The following CPQ variants were observed in gnomAD, a reference collection of about 807,000 sequenced individuals.
CPQ encodes the protein Ser-Met dipeptidase.
CPQ carries 37 observed loss-of-function variants against 45.7 expected under a neutral mutation model. That is an observed-to-expected ratio of 0.81 (90% CI 0.62 to 1.07). The LOEUF is 1.07. CPQ is among the 50% of genes least tolerant of loss of function. The probability of loss-of-function intolerance (pLI) is 0.00; values close to 1 mark genes in which losing one functional copy is unlikely to be tolerated. For missense variants in CPQ, 537 were observed against 572.9 expected (o/e 0.94, Z 0.64); for synonymous variants, 186 against 205.8 (o/e 0.90, Z 0.82).
chr8:97,141,674 C>T (rs891838735), intron 7 of CPQ, among the ~76,000 whole-genome samples: 1 of 152,124 alleles, frequency 6.6e-6, no homozygotes, highest in Non-Finnish European at 1.5e-5. Flanking sequence ...ACATTCAAAG[C>T]CTTGATAGTG....
chr8:96,811,187 C>G (rs1484325952), intron 2 of CPQ, among the ~76,000 whole-genome samples: 1 of 152,096 alleles, frequency 6.6e-6, no homozygotes, highest in East Asian at 1.9e-4. Context: ...TTCCACAAGT[C>G]TTAAAATCTG....
At chr8:96,826,480 T>C (rs1269905359) in intron 2 of CPQ, among the ~76,000 whole-genome samples, 1 of 152,010 alleles carries the variant, frequency 6.6e-6, no homozygotes, top group Non-Finnish European at 1.5e-5. Flanking sequence ...TGTATATATA[T>C]ATACATATAT....
At chr8:96,957,015 C>A (rs550194380) in intron 4 of CPQ, among the ~76,000 whole-genome samples, 3 of 152,328 alleles carry the variant, frequency 2.0e-5, no homozygotes, top group Admixed American at 2.0e-4. Flanking sequence ...TTTTTAAGAT[C>A]ATTGAAAATC....
intron 4 of CPQ, among the ~76,000 whole-genome samples, chr8:96,888,346 A>G (rs1812329747): frequency 6.6e-6 from 1 of 152,146 alleles, no homozygotes; most frequent in African/African-American, 2.4e-5. Flanking sequence ...TCCTTCATCT[A>G]TAGAAGGAGG....
intron 5 of CPQ, among the ~76,000 whole-genome samples, chr8:97,029,123 G>GCCTCCCTCCAGCCCTGTGAATGAGAAT: frequency 1.3e-5 from 2 of 152,094 alleles, no homozygotes; most frequent in African/African-American, 4.8e-5. Context: ...GGTTCTGCTG[G>GCCTCCCTCCAGCCCTGTGAATGAGAAT]GCAGGATATC....
At chr8:96,760,441 C>T (rs2954649) in intron 1 of CPQ, among the ~76,000 whole-genome samples, 4,123 of 152,146 alleles carry the variant, frequency 0.027, 184 homozygotes, top group African/African-American at 0.093. Context: ...TCTGTCAGAC[C>T]TTATAGCCCA....
chr8:96,944,926 T>C (rs1813170036), intron 4 of CPQ, among the ~76,000 whole-genome samples: 1 of 152,106 alleles, frequency 6.6e-6, no homozygotes, highest in African/African-American at 2.4e-5. Flanking sequence ...TAAAAAAAAC[T>C]CCCTTTCACT....
intron 1 of CPQ, among the ~76,000 whole-genome samples, chr8:96,754,034 T>C (rs1257168581): frequency 1.3e-5 from 2 of 152,082 alleles, no homozygotes; most frequent in East Asian, 3.8e-4. Flanking sequence ...ATTTCTAATA[T>C]TAAACAATCC....
At chr8:96,704,879 A>G (rs1371966588) in intron 1 of CPQ, among the ~76,000 whole-genome samples, 1 of 152,174 alleles carries the variant, frequency 6.6e-6, no homozygotes, top group Admixed American at 6.6e-5. Context: ...ATTTGGAGGT[A>G]TTAAGTAGAC....
At chr8:97,070,706 T>C (rs1363014726) in intron 7 of CPQ, among the ~76,000 whole-genome samples, 4 of 152,188 alleles carry the variant, frequency 2.6e-5, no homozygotes, top group Non-Finnish European at 5.9e-5. Context: ...TTCTCACACA[T>C]AAAATGGTGA....
chr8:97,005,061 T>C (rs1809357188), intron 5 of CPQ, among the ~76,000 whole-genome samples: 1 of 152,036 alleles, frequency 6.6e-6, no homozygotes, highest in African/African-American at 2.4e-5. Flanking sequence ...TTGTGAATTT[T>C]TTCTGTAGGA....
chr8:96,794,746 A>C (rs1810903322), intron 2 of CPQ, among the ~76,000 whole-genome samples: 2 of 152,112 alleles, frequency 1.3e-5, no homozygotes, highest in Non-Finnish European at 2.9e-5. Context: ...GCTGCTTAGA[A>C]ATTTCTTCTG....
chr8:96,875,419 G>A (rs1812132210), intron 3 of CPQ, among the ~76,000 whole-genome samples: 2 of 151,856 alleles, frequency 1.3e-5, no homozygotes, highest in African/African-American at 2.4e-5. Flanking sequence ...ATGAAGTTTT[G>A]TAGTTTTAGC....
chr8:96,730,981 G>A (rs906725541), intron 1 of CPQ, among the ~76,000 whole-genome samples: 1 of 150,274 alleles, frequency 6.7e-6, no homozygotes, highest in Admixed American at 6.7e-5. Context: ...TTAAAGTGGA[G>A]GTGCTTTACA....
intron 7 of CPQ, among the ~76,000 whole-genome samples, chr8:97,114,760 C>A (rs12550456): frequency 6.6e-6 from 1 of 152,186 alleles, no homozygotes; most frequent in South Asian, 2.1e-4. Flanking sequence ...CTCCTTCATC[C>A]TTCAGTGAAA....
chr8:96,864,967 T>G (rs1270755294), intron 3 of CPQ, among the ~76,000 whole-genome samples: 1 of 152,062 alleles, frequency 6.6e-6, no homozygotes, highest in African/African-American at 2.4e-5. Flanking sequence ...TCTCCACTGT[T>G]AAACTAAGTA....
intron 7 of CPQ, among the ~76,000 whole-genome samples, chr8:97,073,168 A>G (rs935135854): frequency 7.2e-5 from 11 of 152,196 alleles, no homozygotes; most frequent in Admixed American, 7.2e-4. Context: ...AAATACACAG[A>G]TTACTCAGAA....
intron 4 of CPQ, among the ~76,000 whole-genome samples, chr8:96,926,587 C>CTTCTTCTTCTTCTTCTTA (rs1563530829): frequency 1.6e-4 from 22 of 141,840 alleles, no homozygotes; most frequent in African/African-American, 6.3e-4. Flanking sequence ...TCTTCTTCTT[C>CTTCTTCTTCTTCTTCTTA]TTCTTCTTCT....
intron 5 of CPQ, among the ~76,000 whole-genome samples, chr8:96,972,482 A>T (rs771137377): frequency 6.6e-6 from 1 of 152,140 alleles, no homozygotes; most frequent in Non-Finnish European, 1.5e-5. Context: ...CCTACCTATC[A>T]CCTGAGAAAC....
Sources: allele counts gnomAD v4.1 joint callset (sites outside exome capture counted in the v4.1 genomes callset), GRCh38; gene constraint gnomAD v4.1.1; transcripts MANE v1.5; gene names NCBI Gene and HGNC (gene_info 2026-07-23, HGNC 2026-07-21).